The following SHANK2 variants were observed in gnomAD, a reference collection of about 807,000 sequenced individuals.
The protein encoded by SHANK2 is SH3 and multiple ankyrin repeat domains 2.
Under a neutral mutation model 133.7 loss-of-function variants are expected in SHANK2, and 43 were observed. That is an observed-to-expected ratio of 0.32 (90% CI 0.25 to 0.41). SHANK2 has a LOEUF of 0.41. SHANK2 is among the 10% of genes least tolerant of loss of function. The probability of loss-of-function intolerance (pLI) is 1.00; values close to 1 mark genes in which losing one functional copy is unlikely to be tolerated. For missense variants in SHANK2, 1,994 were observed against 2,235.8 expected, an observed-to-expected ratio of 0.89 and a Z score of 2.18; for synonymous variants, 1,017 against 952.8, an observed-to-expected ratio of 1.07 and a Z score of -1.24.
intron 17 of SHANK2, among the ~76,000 whole-genome samples, chr11:70,537,684 G>A (rs1278960104): frequency 6.6e-6 from 1 of 152,232 alleles, no homozygotes; most frequent in Non-Finnish European, 1.5e-5. Context: ...GCCACTTGTG[G>A]CAAGCCCAGG....
chr11:70,936,282 C>A (rs1306185039), intron 10 of SHANK2, among the ~76,000 whole-genome samples: 1 of 152,200 alleles, frequency 6.6e-6, no homozygotes, highest in African/African-American at 2.4e-5. Context: ...GAGGCCTAGG[C>A]AGGCAGTTCA....
intron 17 of SHANK2, among the ~76,000 whole-genome samples, chr11:70,545,671 C>T (rs538184300): frequency 6.6e-6 from 1 of 152,314 alleles, no homozygotes; most frequent in South Asian, 2.1e-4. Flanking sequence ...TACATCATTC[C>T]AACATCAACC....
In SHANK2 at chr11:71,092,563, T is replaced by C. The variant is rs200821952; in HGVS notation, c.771A>G (p.Pro257=). 2.8e-4 allele frequency: 440 copies of C among 1,551,700 alleles called. No homozygotes were observed. Among genetic ancestry groups the C allele is most frequent in the Non-Finnish European group, 3.5e-4 (400 of 1,147,042 alleles). Residue 257 remains proline, a synonymous_variant, in exon 8 of 26, where the codon CCA becomes CCG. Transcript: ENST00000601538. ...LKTLLELGAS[P]DYKDSYGLTP... ...TGAGGCCGTAACTGTCTTTATAATC[T>C]GGGGATGCACCAAGCTCTAAAAGGG... is the stretch of plus-strand genomic sequence containing the variant.
At chr11:70,672,764 T>G (rs1555016398) in intron 15 of SHANK2, among the ~76,000 whole-genome samples, 1 of 152,204 alleles carries the variant, frequency 6.6e-6, no homozygotes, top group African/African-American at 2.4e-5. Flanking sequence ...AGCACATGAG[T>G]GCCCCCGAAG....
intron 14 of SHANK2, among the ~76,000 whole-genome samples, chr11:70,724,683 C>T (rs1296681999): frequency 4.6e-5 from 7 of 152,266 alleles, no homozygotes; most frequent in East Asian, 1.9e-4. Flanking sequence ...CCGCCAACCA[C>T]GTCCTGTGGA....
At chr11:70,835,959 C>T (rs1948809049) in intron 11 of SHANK2, among the ~76,000 whole-genome samples, 1 of 152,142 alleles carries the variant, frequency 6.6e-6, no homozygotes, top group East Asian at 1.9e-4. Context: ...CACTGCACCC[C>T]GAGCAGGGCA....
At chr11:70,724,182 C>A (rs1490195923) in intron 14 of SHANK2, among the ~76,000 whole-genome samples, 1 of 151,996 alleles carries the variant, frequency 6.6e-6, no homozygotes, top group African/African-American at 2.4e-5. Flanking sequence ...ATTACAGGTG[C>A]ACACCACCAC....
At chr11:71,218,510 G>A (rs376783822) in intron 2 of SHANK2, among the ~76,000 whole-genome samples, 5 of 152,138 alleles carry the variant, frequency 3.3e-5, no homozygotes, top group South Asian at 4.2e-4. Context: ...TGATCCACCC[G>A]CCTCAGCCTC....
At chr11:70,517,041 C>T (rs1479729327) in intron 17 of SHANK2, among the ~76,000 whole-genome samples, 3 of 152,112 alleles carry the variant, frequency 2.0e-5, no homozygotes, top group African/African-American at 7.2e-5. Context: ...CCACTGCACT[C>T]CAGCCTGGGC....
intron 17 of SHANK2, among the ~76,000 whole-genome samples, chr11:70,562,500 C>T (rs2059918306): frequency 6.6e-6 from 1 of 152,102 alleles, no homozygotes; most frequent in Admixed American, 6.6e-5. Context: ...TAGAACTGAC[C>T]CTTTTACCAT....
chr11:70,574,627 C>A (rs545765968), intron 17 of SHANK2, among the ~76,000 whole-genome samples: 53 of 151,218 alleles, frequency 3.5e-4, no homozygotes, highest in Non-Finnish European at 7.4e-4. Flanking sequence ...CCTTCTCTGA[C>A]TCTGCATGCA....
At chr11:71,070,475 A>C (rs2135965732) in intron 9 of SHANK2, among the ~76,000 whole-genome samples, 1 of 152,336 alleles carries the variant, frequency 6.6e-6, no homozygotes, top group South Asian at 2.1e-4. Flanking sequence ...GGGGGCACAC[A>C]GGCAGGAGTT....
chr11:70,903,605 G>A (rs1555077310), intron 10 of SHANK2, among the ~76,000 whole-genome samples: 2 of 152,042 alleles, frequency 1.3e-5, no homozygotes, highest in African/African-American at 4.8e-5. Context: ...GACAGTAGAG[G>A]CACCCAGGGC....
intron 14 of SHANK2, among the ~76,000 whole-genome samples, chr11:70,715,492 T>G (rs1555027045): frequency 6.6e-6 from 1 of 152,170 alleles, no homozygotes; most frequent in Non-Finnish European, 1.5e-5. Flanking sequence ...GAGGCTACAC[T>G]CAGTCTCTGG....
intron 11 of SHANK2, among the ~76,000 whole-genome samples, chr11:70,822,549 A>G (rs1037766120): frequency 6.6e-6 from 1 of 150,964 alleles, no homozygotes; most frequent in Non-Finnish European, 1.5e-5. Context: ...GCGCTGGAAG[A>G]GTTCACGGGG....
chr11:71,216,304 C>G (rs1294823780), intron 2 of SHANK2, among the ~76,000 whole-genome samples: 1 of 152,196 alleles, frequency 6.6e-6, no homozygotes, highest in Non-Finnish European at 1.5e-5. Flanking sequence ...GAAGGAATCA[C>G]TGAATCATGC....
chr11:70,563,539 C>CT (rs35931621), intron 17 of SHANK2, among the ~76,000 whole-genome samples: 51,144 of 135,240 alleles, frequency 0.38, 10,535 homozygotes, highest in East Asian at 0.49. Flanking sequence ...TCTGTGGTCA[C>CT]TTTTTTTTTT....
chr11:70,663,289 G>A (rs1345033939), intron 15 of SHANK2, among the ~76,000 whole-genome samples: 1 of 152,190 alleles, frequency 6.6e-6, no homozygotes, highest in African/African-American at 2.4e-5. Flanking sequence ...GGCCCCAGGT[G>A]CAGCCAGCTG....
At chr11:71,241,599 G>A (rs1954894188) in intron 1 of SHANK2, among the ~76,000 whole-genome samples, 1 of 152,192 alleles carries the variant, frequency 6.6e-6, no homozygotes, top group Non-Finnish European at 1.5e-5. Flanking sequence ...ACTGTCTCTG[G>A]TCCCTGTTTT....
Sources: gnomAD v4.1 joint callset for allele counts (sites outside exome capture counted in the v4.1 genomes callset) on GRCh38, gnomAD v4.1.1 for gene constraint, MANE v1.5 for transcripts, NCBI Gene and HGNC (gene_info 2026-07-23, HGNC 2026-07-21) for gene names.